Variants in SNTG1 observed in about 807,000 individuals in gnomAD.
The protein encoded by SNTG1 is gamma-1-syntrophin.
SNTG1 carries 39 observed loss-of-function variants against 74.7 expected under a neutral mutation model. That is an observed-to-expected ratio of 0.52 (90% CI 0.40 to 0.68). The LOEUF is 0.68. Among genes scored for constraint, SNTG1 ranks in the 30% least tolerant of loss-of-function variants. SNTG1 has a pLI of 0.00. For synonymous variants in SNTG1, 254 were observed against 217.1 expected, an observed-to-expected ratio of 1.17 and a Z score of -1.49; for missense variants, 685 against 609.5, an observed-to-expected ratio of 1.12 and a Z score of -1.30.
At chr8:50,030,242 C>A (rs1817631251) in intron 1 of SNTG1, among the ~76,000 whole-genome samples, 1 of 151,954 alleles carries the variant, frequency 6.6e-6, no homozygotes, top group South Asian at 2.1e-4. Flanking sequence ...CGTATATATT[C>A]TACTAGTCTC....
At chr8:50,141,959 ACACT>A (rs1265287509) in intron 1 of SNTG1, among the ~76,000 whole-genome samples, 1 of 152,170 alleles carries the variant, frequency 6.6e-6, no homozygotes, top group African/African-American at 2.4e-5. Context: ...TATTACACAC[ACACT>A]CACACATAGA....
chr8:50,492,230 T>C (rs1418095612), intron 8 of SNTG1, among the ~76,000 whole-genome samples: 5 of 152,218 alleles, frequency 3.3e-5, no homozygotes, highest in African/African-American at 1.2e-4. Context: ...GAATAATTTA[T>C]AGTCCTTTGG....
rs138776171 is a variant in SNTG1 at position 50,585,515 on chromosome 8, G to A, written c.811-5364G>A. ...TAAAATTAGCATTGGTTTCTAAGAAGTGTAACATGGAAAATGCCTTTTTGA... is the reference window on the plus strand; with the variant it reads ...TAAAATTAGCATTGGTTTCTAAGAAATGTAACATGGAAAATGCCTTTTTGA... On this transcript the variant is annotated intron_variant, in intron 12 of 18. Coordinates refer to ENST00000642720, the MANE Select transcript of SNTG1 (RefSeq NM_018967.5). Among the ~76,000 whole-genome samples the A allele has an allele frequency of 2.3e-3, 350 of 152,252 alleles. 2 individuals are homozygous for A. Among genetic ancestry groups the A allele is most frequent in the East Asian group, 9.9e-3 (51 of 5,168 alleles).
At chr8:50,112,147 A>T (rs1464442307) in intron 1 of SNTG1, among the ~76,000 whole-genome samples, 1 of 152,152 alleles carries the variant, frequency 6.6e-6, no homozygotes, top group Non-Finnish European at 1.5e-5. Context: ...GATAGTTGGC[A>T]TATATTTTAT....
intron 4 of SNTG1, among the ~76,000 whole-genome samples, chr8:50,427,944 C>G (rs750428563): frequency 9.9e-5 from 15 of 152,060 alleles, no homozygotes; most frequent in Non-Finnish European, 2.1e-4. Flanking sequence ...GTTAGAGAAA[C>G]AGTAGATTAG....
chr8:50,745,129 G>C (rs1437204453), intron 17 of SNTG1, among the ~76,000 whole-genome samples: 1 of 151,972 alleles, frequency 6.6e-6, no homozygotes, highest in Admixed American at 6.6e-5. Flanking sequence ...CAGAATGGAA[G>C]AATGTATTTG....
chr8:50,469,790 C>T (rs1383570433), intron 8 of SNTG1, among the ~76,000 whole-genome samples: 4 of 152,236 alleles, frequency 2.6e-5, no homozygotes, highest in Admixed American at 6.5e-5. Flanking sequence ...ATCAGCCTGG[C>T]CAACAGGGTG....
At position 50,612,057 on chromosome 8, in the gene SNTG1, C is replaced by T. The variant is rs1325662387; in HGVS notation, c.849+21140C>T. 2.0e-5 allele frequency among the ~76,000 whole-genome samples: 3 copies of T among 152,302 alleles called. No homozygotes were observed. In the East Asian group the frequency reaches 5.8e-4, roughly 29 times the overall value. ...GCAGGTGTGAGCCACCACACCCGGA[C>T]AAGACCCTGTCTTTAAAACAAACAA... On this transcript the variant is annotated intron_variant, in intron 13 of 18. Transcript: ENST00000642720.
chr8:50,376,754 TATAGAGAGAGAG>T (rs1309822143), intron 2 of SNTG1, among the ~76,000 whole-genome samples: 3 of 100,298 alleles, frequency 3.0e-5, no homozygotes, highest in African/African-American at 1.1e-4. Context: ...TATATATATA[TATAGAGAGAGAG>T]AGAGAGAGAG....
intron 1 of SNTG1, among the ~76,000 whole-genome samples, chr8:50,048,728 A>T (rs1290402532): frequency 6.6e-6 from 1 of 152,110 alleles, no homozygotes; most frequent in African/African-American, 2.4e-5. Context: ...CAATATCATA[A>T]ACCTATTTTT....
chr8:50,705,770 C>T (rs555843556), intron 16 of SNTG1, among the ~76,000 whole-genome samples: 9 of 152,166 alleles, frequency 5.9e-5, no homozygotes, highest in Non-Finnish European at 1.3e-4. Flanking sequence ...CTAGATCAAA[C>T]TTTATAGAGC....
chr8:50,088,611 A>C lies in SNTG1; in HGVS notation c.-102-83950A>C, dbSNP rs530653520. Among the ~76,000 whole-genome samples the C allele has an allele frequency of 1.4e-4, 17 of 124,500 alleles. 1 individual carries two copies. Among genetic ancestry groups the C allele is most frequent in the Admixed American group, 3.6e-4 (4 of 11,136 alleles). 81.7% of individuals were successfully genotyped at this position (124,500 alleles called of 152,430 possible). A position where few individuals can be genotyped will look rare whatever the true frequency, so the allele number is the denominator to read the frequency against. On this transcript the variant is annotated intron_variant, in intron 1 of 18. Coordinates refer to ENST00000642720, the MANE Select transcript of SNTG1 (RefSeq NM_018967.5). ...TCACAAGCATTCTTATACACCAACA[A>C]CAGAGAAACAGAGAGCCAAATCATG...
At chr8:50,092,019 T>G (rs1464812488) in intron 1 of SNTG1, among the ~76,000 whole-genome samples, 2 of 152,166 alleles carry the variant, frequency 1.3e-5, no homozygotes, top group Non-Finnish European at 2.9e-5. Context: ...AATAAAACCC[T>G]TCTTTTCCCA....
At chr8:50,403,153 T>C (rs2092827939) in intron 4 of SNTG1, among the ~76,000 whole-genome samples, 1 of 152,222 alleles carries the variant, frequency 6.6e-6, no homozygotes, top group African/African-American at 2.4e-5. Flanking sequence ...TAGCATGTAG[T>C]CTGCTCCCTG....
At chr8:50,709,252 T>A (rs2095454680) in intron 17 of SNTG1, 3 of 398,456 alleles carry the variant, frequency 7.5e-6, no homozygotes. Flanking sequence ...ATTTCCCTGT[T>A]TTTTAAAGAT....
chr8:50,325,623 G>T (rs1196513083), intron 2 of SNTG1, among the ~76,000 whole-genome samples: 2 of 151,998 alleles, frequency 1.3e-5, no homozygotes, highest in African/African-American at 4.8e-5. Flanking sequence ...GTCAATTATA[G>T]TATTTTCTAT....
At chr8:50,474,234 TTAAAC>T (rs1207624852) in intron 8 of SNTG1, among the ~76,000 whole-genome samples, 1 of 151,976 alleles carries the variant, frequency 6.6e-6, no homozygotes, top group Non-Finnish European at 1.5e-5. Context: ...TGGGATCTAA[TTAAAC>T]TAAACAGCTT....
intron 17 of SNTG1, among the ~76,000 whole-genome samples, chr8:50,745,113 C>T (rs73678656): frequency 0.019 from 2,935 of 152,036 alleles, 83 homozygotes; most frequent in African/African-American, 0.063. Flanking sequence ...GTGCAAAGGT[C>T]ACCCACAGAA....
At chr8:50,559,546 A>G (rs1302436228) in intron 12 of SNTG1, among the ~76,000 whole-genome samples, 1 of 152,180 alleles carries the variant, frequency 6.6e-6, no homozygotes, top group Non-Finnish European at 1.5e-5. Flanking sequence ...CACTTTTTAC[A>G]AGAGGAATTC....
Sources: gnomAD v4.1 joint callset for allele counts (sites outside exome capture counted in the v4.1 genomes callset) on GRCh38, gnomAD v4.1.1 for gene constraint, MANE v1.5 for transcripts, NCBI Gene and HGNC (gene_info 2026-07-23, HGNC 2026-07-21) for gene names.